The following EYA4 variants were observed in gnomAD, a reference collection of about 807,000 sequenced individuals.
The protein encoded by EYA4 is protein phosphatase EYA4.
Under a neutral mutation model 87.9 loss-of-function variants are expected in EYA4, and 31 were observed. The observed-to-expected ratio is 0.35, with a 90% CI of 0.27 to 0.48. EYA4 has a LOEUF of 0.48. Ranked by LOEUF, EYA4 falls within the 20% of genes least tolerant of loss-of-function variation. The pLI, the probability that EYA4 is intolerant of heterozygous loss-of-function variation, is 0.99. For missense variants in EYA4, 678 were observed against 761.4 expected (o/e 0.89, Z 1.29); for synonymous variants, 263 against 270.6 (o/e 0.97, Z 0.28).
Position 133,450,207 on chromosome 6 carries a change from G to A in EYA4, c.277+2028G>A, listed in dbSNP as rs764911445. Among the ~76,000 whole-genome samples, 3 of 151,984 alleles carry A rather than the reference G, an allele frequency of 2.0e-5. No homozygotes were observed. In the South Asian group the frequency reaches 6.2e-4, roughly 31 times the overall value. Reference sequence around the variant, plus strand: ...TCACCGTGTTAGCCAGGGCGGTCTCGATCTCCTGACTTCGTGATCGGCCCG... The same window carrying A: ...TCACCGTGTTAGCCAGGGCGGTCTCAATCTCCTGACTTCGTGATCGGCCCG... On this transcript the variant is annotated intron_variant, in intron 5 of 19. Transcript: ENST00000355286.
chr6:133,263,523 T>C (rs189198675), intron 1 of EYA4, among the ~76,000 whole-genome samples: 64 of 152,256 alleles, frequency 4.2e-4, no homozygotes, highest in African/African-American at 1.4e-3. Flanking sequence ...TAGCCTGATA[T>C]TTTCCCAGAC....
chr6:133,273,154 A>G (rs1776875535), intron 1 of EYA4, among the ~76,000 whole-genome samples: 1 of 150,826 alleles, frequency 6.6e-6, no homozygotes. Context: ...ACATGTTCAC[A>G]AGGTTTCACA....
chr6:133,273,210 C>T (rs912240541), intron 1 of EYA4, among the ~76,000 whole-genome samples: 1 of 151,596 alleles, frequency 6.6e-6, no homozygotes, highest in African/African-American at 2.4e-5. Flanking sequence ...AGTCCGATTC[C>T]CCAAACTGAA....
intron 2 of EYA4, among the ~76,000 whole-genome samples, chr6:133,320,842 G>A (rs1251680340): frequency 6.6e-6 from 1 of 152,110 alleles, no homozygotes; most frequent in African/African-American, 2.4e-5. Flanking sequence ...GTTGCTGCAG[G>A]AGACATGATT....
chr6:133,464,982 G>A (rs1248228731), intron 10 of EYA4, 124 bp downstream of exon 10: 12 of 673,032 alleles, frequency 1.8e-5, no homozygotes, highest in Non-Finnish European at 2.6e-5. Flanking sequence ...AATTATGATA[G>A]CATTTCAGGA....
chr6:133,481,735 A>C (rs1391349943), intron 12 of EYA4, 136 bp downstream of exon 12: 1 of 937,256 alleles, frequency 1.1e-6, no homozygotes, highest in Admixed American at 2.0e-5. Flanking sequence ...CTACTTTGTG[A>C]TAGGCATTTT....
intron 13 of EYA4, among the ~76,000 whole-genome samples, chr6:133,484,554 G>A (rs937515507): frequency 6.6e-6 from 1 of 152,126 alleles, no homozygotes; most frequent in South Asian, 2.1e-4. Context: ...TATCACAAAA[G>A]TAAAGTAAAT....
chr6:133,503,435 A>G (rs2128753349), intron 13 of EYA4, among the ~76,000 whole-genome samples: 1 of 152,362 alleles, frequency 6.6e-6, no homozygotes. Context: ...AAAACCTTTT[A>G]AATCAGATAT....
chr6:133,276,253 C>T (rs547971764), intron 2 of EYA4, among the ~76,000 whole-genome samples: 14 of 152,152 alleles, frequency 9.2e-5, no homozygotes, highest in East Asian at 1.9e-4. Flanking sequence ...TGTATGTGTG[C>T]GTATATGTTA....
At position 133,481,520 on chromosome 6, in the gene EYA4, C is replaced by A; in HGVS notation, c.1028C>A (p.Thr343Asn). 6.2e-7 allele frequency: 1 copy of A among 1,613,800 alleles called. No homozygotes were observed. The highest frequency in any genetic ancestry group is 8.5e-7 in the Non-Finnish European group (1 of 1,179,796). ...STPIKDLDERTCRSSGSKSRG... is the reference protein window; with the variant it reads ...STPIKDLDERNCRSSGSKSRG... ...CCCATCAAAGATCTTGATGAGAGAA[C>A]CTGTAGGAGTTCTGGGTCAAAGTCC... The change falls in exon 12 of 20, where the codon ACC becomes AAC. Residue 343 changes from threonine (T) to asparagine (N), a missense_variant. Coordinates refer to ENST00000355286, the MANE Select transcript of EYA4 (RefSeq NM_004100.5).
At chr6:133,362,992 G>A (rs1784568270) in intron 2 of EYA4, among the ~76,000 whole-genome samples, 1 of 152,180 alleles carries the variant, frequency 6.6e-6, no homozygotes, top group Non-Finnish European at 1.5e-5. Context: ...TTATGGCTCT[G>A]TGAGATACAC....
intron 11 of EYA4, among the ~76,000 whole-genome samples, chr6:133,473,242 G>A (rs1795431127): frequency 6.6e-6 from 1 of 151,948 alleles, no homozygotes; most frequent in Admixed American, 6.6e-5. Context: ...TGGACCAGTG[G>A]GGCCAAGATG....
chr6:133,331,461 G>A (rs1343880401), intron 2 of EYA4, among the ~76,000 whole-genome samples: 1 of 152,074 alleles, frequency 6.6e-6, no homozygotes, highest in Non-Finnish European at 1.5e-5. Flanking sequence ...GAAACATCTG[G>A]GAGCCAATTC....
At chr6:133,469,138 A>T (rs938931037) in intron 11 of EYA4, among the ~76,000 whole-genome samples, 1 of 151,954 alleles carries the variant, frequency 6.6e-6, no homozygotes. Flanking sequence ...CATTCCTGGG[A>T]TTTGTAGAAT....
chr6:133,464,079 C>CA (rs1365106313), intron 9 of EYA4, among the ~76,000 whole-genome samples: 1 of 152,042 alleles, frequency 6.6e-6, no homozygotes, highest in African/African-American at 2.4e-5. Context: ...TCAGCTACCT[C>CA]AATAGCCTTT....
At chr6:133,402,990 G>T (rs1788395047) in intron 3 of EYA4, among the ~76,000 whole-genome samples, 1 of 152,130 alleles carries the variant, frequency 6.6e-6, no homozygotes, top group Admixed American at 6.6e-5. Flanking sequence ...CAGTGCCTCG[G>T]TTTTATCATG....
At chr6:133,475,948 T>A (rs1583391828) in intron 11 of EYA4, among the ~76,000 whole-genome samples, 1 of 152,126 alleles carries the variant, frequency 6.6e-6, no homozygotes, top group African/African-American at 2.4e-5. Context: ...GTGAAGTTCT[T>A]TCAGTGAATT....
chr6:133,304,753 T>A (rs7762780), intron 2 of EYA4, among the ~76,000 whole-genome samples: 10,943 of 152,212 alleles, frequency 0.072, 856 homozygotes, highest in African/African-American at 0.19. Flanking sequence ...AAATGATCTA[T>A]CTTTCAGGGT....
Position 133,481,480 on chromosome 6 carries a change from C to T in EYA4, c.988C>T (p.Gln330Ter). The T allele has an allele frequency of 6.2e-7, 1 of 1,613,820 alleles. No homozygotes were observed. Among genetic ancestry groups the T allele is most frequent in the South Asian group, 1.1e-5 (1 of 91,074 alleles). ...TNQPGEFDTM[Q>*]SPSTPIKDLD... ...ATCTATAGGAGAGTTCGATACCATG[C>T]AGAGTCCCTCCACACCCATCAAAGA... The change falls in exon 12 of 20, where the codon CAG (glutamine) becomes TAG (stop). Residue 330 changes from glutamine to a stop codon, truncating the protein, a stop_gained. Coordinates refer to ENST00000355286, the MANE Select transcript of EYA4 (RefSeq NM_004100.5). LOFTEE classifies it high-confidence loss of function.
Sources: gnomAD v4.1 joint callset for allele counts (sites outside exome capture counted in the v4.1 genomes callset) on GRCh38, gnomAD v4.1.1 for gene constraint, MANE v1.5 for transcripts, NCBI Gene and HGNC (gene_info 2026-07-23, HGNC 2026-07-21) for gene names.